The following RAPGEF2 variants were observed in gnomAD, a reference collection of about 807,000 sequenced individuals.
RAPGEF2 encodes Rap guanine nucleotide exchange factor 2, also known as PDZ domain containing guanine nucleotide exchange factor (GEF) 1.
RAPGEF2 carries 54 observed loss-of-function variants against 186.7 expected under a neutral mutation model. The observed-to-expected ratio is 0.29, with a 90% CI of 0.23 to 0.36. The LOEUF is 0.36. Among genes scored for constraint, RAPGEF2 ranks in the 10% least tolerant of loss-of-function variants. The pLI is 1.00. For synonymous variants in RAPGEF2, 712 were observed against 705.9 expected (o/e 1.01, Z -0.14); for missense variants, 1,532 against 2,045.0 (o/e 0.75, Z 4.84).
chr4:159,297,032 A>G (rs1762105528), intron 7 of RAPGEF2, among the ~76,000 whole-genome samples: 1 of 152,194 alleles, frequency 6.6e-6, no homozygotes, highest in Non-Finnish European at 1.5e-5. Context: ...TCATACACGC[A>G]AGAATTAATT....
At chr4:159,324,624 A>G (rs1765687188) in intron 11 of RAPGEF2, among the ~76,000 whole-genome samples, 1 of 152,096 alleles carries the variant, frequency 6.6e-6, no homozygotes. Flanking sequence ...GAAATTAATC[A>G]TAGTGTGAAT....
chr4:159,354,068 C>A, intron 28 of RAPGEF2, 22 bp downstream of exon 28: 1 of 1,531,686 alleles, frequency 6.5e-7, no homozygotes, highest in Non-Finnish European at 8.8e-7. Context: ...AATTGGGGGA[C>A]TTTGTCATGT....
chr4:159,252,020 G>C (rs1433438365), intron 7 of RAPGEF2, among the ~76,000 whole-genome samples: 2 of 152,058 alleles, frequency 1.3e-5, no homozygotes, highest in Non-Finnish European at 2.9e-5. Flanking sequence ...AGACACATCT[G>C]AACATCTGAA....
At chr4:159,336,026 C>T (rs547329361) in intron 17 of RAPGEF2, among the ~76,000 whole-genome samples, 41 of 152,038 alleles carry the variant, frequency 2.7e-4, no homozygotes, top group African/African-American at 8.9e-4. Context: ...ATTCCACTAA[C>T]GTAAAAGTTT....
chr4:159,131,542 T>TTTTTTTTTG, intron 1 of RAPGEF2, among the ~76,000 whole-genome samples: 2 of 149,724 alleles, frequency 1.3e-5, no homozygotes, highest in African/African-American at 2.5e-5. Flanking sequence ...TTTTTTTTTT[T>TTTTTTTTTG]TTTTAGCTTT....
chr4:159,131,097 TGAGAGAGAGAGA>T (rs10596468), intron 1 of RAPGEF2, among the ~76,000 whole-genome samples: 76 of 148,166 alleles, frequency 5.1e-4, no homozygotes, highest in Middle Eastern at 3.5e-3. Flanking sequence ...TGTGTGTGTG[TGAGAGAGAGAGA>T]GAGAGAGAGA....
At chr4:159,116,293 A>G (rs749707580) in intron 1 of RAPGEF2, among the ~76,000 whole-genome samples, 16 of 151,912 alleles carry the variant, frequency 1.1e-4, no homozygotes, top group Admixed American at 6.5e-4. Context: ...GACAATTCTC[A>G]AAAGAAGACA....
Position 159,353,007 on chromosome 4 carries a change from A to C in RAPGEF2, c.4091+97A>C, listed in dbSNP as rs1221874103. The C allele has an allele frequency of 8.6e-7, 1 of 1,160,154 alleles. No individual in the cohort carries two copies. Among genetic ancestry groups the C allele is most frequent in the Non-Finnish European group, 1.2e-6 (1 of 833,660 alleles). The allele number at this position is 1,160,154 out of a possible 1,614,324, so 71.9% of individuals were successfully genotyped here. A position where few individuals can be genotyped will look rare whatever the true frequency, so the allele number is the denominator to read the frequency against. The stretch of plus-strand genomic sequence containing the variant: ...CAGTGTTTGTTTTTATTTATTTTAC[A>C]TAATGCCTAAGAATTTTTCTGCCAT... On this transcript the variant is annotated intron_variant, in intron 27 of 29. Transcript: ENST00000691494. The surrounding 1 kb of genome is among the most constrained non-coding windows in gnomAD (Gnocchi z 4.3).
chr4:159,301,672 T>G (rs1348609412), intron 7 of RAPGEF2, among the ~76,000 whole-genome samples: 1 of 152,080 alleles, frequency 6.6e-6, no homozygotes, highest in South Asian at 2.1e-4. Context: ...CTGGGCAACA[T>G]AGAGAGACCC....
intron 7 of RAPGEF2, among the ~76,000 whole-genome samples, chr4:159,269,354 G>A (rs1051765924): frequency 6.6e-6 from 1 of 151,974 alleles, no homozygotes; most frequent in East Asian, 1.9e-4. Flanking sequence ...ATGTTATGAC[G>A]CTGCACCGAG....
chr4:159,180,645 A>T (rs190676355), intron 1 of RAPGEF2, among the ~76,000 whole-genome samples: 1 of 152,318 alleles, frequency 6.6e-6, no homozygotes, highest in African/African-American at 2.4e-5. Context: ...GTCTGGTTTG[A>T]TATATAAAAT....
chr4:159,138,600 T>C (rs1325409698), intron 1 of RAPGEF2, among the ~76,000 whole-genome samples: 1 of 152,208 alleles, frequency 6.6e-6, no homozygotes, highest in Non-Finnish European at 1.5e-5. Flanking sequence ...GGTAGGTTAA[T>C]TGACTCATTT....
At chr4:159,266,209 G>A (rs1408591243) in intron 7 of RAPGEF2, among the ~76,000 whole-genome samples, 1 of 152,026 alleles carries the variant, frequency 6.6e-6, no homozygotes, top group Admixed American at 6.6e-5. Context: ...ATGGGGAGAA[G>A]GATCCAAAAG....
intron 7 of RAPGEF2, among the ~76,000 whole-genome samples, chr4:159,276,142 A>G (rs368534952): frequency 1.9e-4 from 29 of 152,172 alleles, no homozygotes; most frequent in African/African-American, 6.3e-4. Context: ...GAATGATTCT[A>G]TAGTCACTGG....
chr4:159,168,314 T>A (rs1294312531), intron 1 of RAPGEF2, among the ~76,000 whole-genome samples: 1 of 152,184 alleles, frequency 6.6e-6, no homozygotes, highest in Non-Finnish European at 1.5e-5. Context: ...ATTACAATAT[T>A]CAAAGGAATG....
Position 159,330,439 on chromosome 4 carries a change from C to G in RAPGEF2, c.1408C>G (p.Pro470Ala). ...LLTYRTFLSS[P>A]MEVGKKLLEW... ...GACCTATAGGACTTTTCTTTCTAGC[C>G]CAATGGAAGTGGGCAAAAAGTTATT... is the stretch of plus-strand genomic sequence containing the variant. Residue 470 changes from proline to alanine, a missense_variant, in exon 13 of 30, where the codon CCA becomes GCA. Physicochemically the swap from Pro to Ala is conservative, Grantham distance 27. This residue lies in a region of RAPGEF2 where 810 missense variants were observed against 1,210.5 expected (regional missense o/e 0.67). Transcript: ENST00000691494. 6.2e-7 allele frequency: 1 copy of G among 1,607,928 alleles called. No individual in the cohort carries two copies. Among genetic ancestry groups the G allele is most frequent in the Non-Finnish European group, 8.5e-7 (1 of 1,178,356 alleles).
At chr4:159,241,624 T>C (rs1754019745) in intron 6 of RAPGEF2, among the ~76,000 whole-genome samples, 1 of 151,218 alleles carries the variant, frequency 6.6e-6, no homozygotes, top group Non-Finnish European at 1.5e-5. Context: ...GATTAGTTTT[T>C]AAAAGACATT....
At chr4:159,207,775 C>T (rs1750133079) in intron 3 of RAPGEF2, among the ~76,000 whole-genome samples, 4 of 152,072 alleles carry the variant, frequency 2.6e-5, no homozygotes, top group East Asian at 1.9e-4. Context: ...TTTTTTTTCC[C>T]GCTTTCTGTT....
At chr4:159,314,826 T>C (rs1420779724) in intron 9 of RAPGEF2, 58 bp downstream of exon 9, 1 of 1,482,838 alleles carries the variant, frequency 6.7e-7, no homozygotes. Context: ...GTGGCAAAAT[T>C]GTCTGATGAA....
Sources: allele counts gnomAD v4.1 joint callset (sites outside exome capture counted in the v4.1 genomes callset), GRCh38; gene constraint gnomAD v4.1.1; regional missense constraint gnomAD v4.1.1; non-coding constraint Gnocchi (gnomAD v3.1); transcripts MANE v1.5; gene names NCBI Gene and HGNC (gene_info 2026-07-23, HGNC 2026-07-21).